The following MTR variants were observed in gnomAD, a reference collection of about 807,000 sequenced individuals.
MTR encodes the protein 5-methyltetrahydrofolate-homocysteine methyltransferase, also known as methionine synthase.
MTR carries 84 observed loss-of-function variants against 154.8 expected under a neutral mutation model. The observed-to-expected ratio is 0.54, with a 90% CI of 0.45 to 0.65. MTR has a LOEUF of 0.65. Ranked by LOEUF, MTR falls within the 30% of genes least tolerant of loss-of-function variation. The pLI is 0.00. For synonymous variants in MTR, 554 were observed against 553.9 expected (o/e 1.00, Z 0.00); for missense variants, 1,275 against 1,570.2 (o/e 0.81, Z 3.18).
In MTR at chr1:236,900,667, T is replaced by C. The variant is rs956371029; in HGVS notation, c.*3023T>C. ...ATAAAGGCAAAGTGGAATGATAACC[T>C]AAAATCTGGTATGGTGATTTTGTAG... is the stretch of plus-strand genomic sequence containing the variant. On this transcript the variant is annotated 3_prime_UTR_variant, in exon 33 of 33. Transcript: ENST00000366577. The C allele has an allele frequency of 3.3e-5, 5 of 152,232 alleles. No homozygotes were observed. Among genetic ancestry groups the C allele is most frequent in the African/African-American group, 1.2e-4 (5 of 41,458 alleles). The allele number at this position is 152,232 out of a possible 1,614,324, so 9.4% of individuals were successfully genotyped here. A position where few individuals can be genotyped will look rare whatever the true frequency, so the allele number is the denominator to read the frequency against.
At chr1:236,842,799 T>TATATATAA (rs958505121) in intron 15 of MTR, among the ~76,000 whole-genome samples, 3 of 149,850 alleles carry the variant, frequency 2.0e-5, no homozygotes, top group Admixed American at 6.7e-5. Flanking sequence ...TATATATATA[T>TATATATAA]AATTGGCCAG....
At chr1:236,811,675 C>T (rs1478798367) in intron 5 of MTR, 2 of 456,150 alleles carry the variant, frequency 4.4e-6, no homozygotes, top group Non-Finnish European at 4.4e-6. Context: ...CTTACCCTTG[C>T]TCTTGGGCTG....
At chr1:236,808,392 T>C (rs1661106458) in intron 3 of MTR, among the ~76,000 whole-genome samples, 1 of 152,222 alleles carries the variant, frequency 6.6e-6, no homozygotes. Flanking sequence ...TATTTTTTTC[T>C]TAATTCTCAG....
chr1:236,862,246 C>T lies in MTR; in HGVS notation c.2207C>T (p.Ser736Leu). ...GKMFLPQVIK[S>L]ARVMKKAVGH... ...TGCTTTTTTTCTCAGGTTATAAAGT[C>T]AGCCCGGGTTATGAAGAAGGCTGTT... Residue 736 changes from serine (S) to leucine (L), a missense_variant, in exon 21 of 33, where the codon TCA becomes TTA. Transcript: ENST00000366577. 6.2e-7 allele frequency: 1 copy of T among 1,613,720 alleles called. No individual in the cohort carries two copies.
At chr1:236,827,209 G>T (rs945396409) in intron 11 of MTR, among the ~76,000 whole-genome samples, 7 of 152,204 alleles carry the variant, frequency 4.6e-5, no homozygotes, top group Non-Finnish European at 1.0e-4. Context: ...TACAAGACAT[G>T]AAAGAGGCCT....
rs1228842888 is a variant in MTR, at chr1:236,815,709, G to A, written c.669+46G>A. ...ACAATACATTCTTTTATTAATAATT[G>A]TCCTTTTGAGCATGTTTTTCCCCCG... is the stretch of plus-strand genomic sequence containing the variant. On this transcript the variant is annotated intron_variant, in intron 7 of 32. Coordinates refer to ENST00000366577, the MANE Select transcript of MTR (RefSeq NM_000254.3). 5.1e-6 allele frequency: 8 copies of A among 1,571,568 alleles called. No individual in the cohort carries two copies. The African/African-American group carries it at 5.4e-5, about 11-fold the overall frequency.
chr1:236,877,879 T>C (rs1229533265), intron 24 of MTR, among the ~76,000 whole-genome samples: 1 of 152,248 alleles, frequency 6.6e-6, no homozygotes, highest in Non-Finnish European at 1.5e-5. Flanking sequence ...CACGTTCTTT[T>C]CAATGGTATC....
At chr1:236,812,053 A>G (rs985377823) in intron 5 of MTR, among the ~76,000 whole-genome samples, 5 of 152,114 alleles carry the variant, frequency 3.3e-5, no homozygotes, top group African/African-American at 1.2e-4. Flanking sequence ...GCTAATTTTT[A>G]TATTTTTAAA....
intron 2 of MTR, 122 bp downstream of exon 2, chr1:236,803,764 A>C (rs753867960): frequency 5.1e-6 from 5 of 983,070 alleles, no homozygotes; most frequent in Non-Finnish European, 6.4e-6. Context: ...CAATTTATTC[A>C]GAAAGCAGGT....
At position 236,803,571 on chromosome 1, in the gene MTR, G is replaced by T. The variant is rs1333154240; in HGVS notation, c.178G>T (p.Ala60Ser). 3 of 1,614,170 alleles carry T rather than the reference G, an allele frequency of 1.9e-6. No individual in the cohort carries two copies. Among genetic ancestry groups the T allele is most frequent in the East Asian group, 2.2e-5 (1 of 44,876 alleles). Reference protein sequence around the residue: ...HFRGQEFKDHARPLKGNNDIL... With the variant: ...HFRGQEFKDHSRPLKGNNDIL... ...CCGAGGTCAGGAATTTAAAGATCATGCCAGGCCGCTGAAAGGCAACAATGA... is the reference window on the plus strand; with the variant it reads ...CCGAGGTCAGGAATTTAAAGATCATTCCAGGCCGCTGAAAGGCAACAATGA... Residue 60 changes from alanine to serine, a missense_variant, in exon 2 of 33, where the codon GCC becomes TCC. Transcript: ENST00000366577.
rs775774568 is a variant in MTR, at chr1:236,816,490, C to T, written c.711C>T (p.Ser237=). Reference sequence around the variant, plus strand: ...TTGATAAAAGTGGGCGGACTCTTTCCGGACAGACAGGAGAGGGATTTGTCA... The same window carrying T: ...TTGATAAAAGTGGGCGGACTCTTTCTGGACAGACAGGAGAGGGATTTGTCA... ...TIVDKSGRTL[S]GQTGEGFVIS... Residue 237 remains serine, a synonymous_variant, in exon 8 of 33, where the codon TCC becomes TCT. Coordinates refer to ENST00000366577, the MANE Select transcript of MTR (RefSeq NM_000254.3). 7.4e-6 allele frequency: 12 copies of T among 1,613,938 alleles called. No individual in the cohort carries two copies. In the East Asian group the frequency reaches 8.9e-5, roughly 12 times the overall value.
intron 9 of MTR, 140 bp from the exon 10 acceptor site, chr1:236,825,198 G>C: frequency 2.9e-6 from 1 of 340,614 alleles, no homozygotes; most frequent in Non-Finnish European, 5.4e-6. Flanking sequence ...TTTACTGTGT[G>C]AATATTATGT....
intron 22 of MTR, among the ~76,000 whole-genome samples, chr1:236,872,371 C>G (rs1665183643): frequency 6.6e-6 from 1 of 152,096 alleles, no homozygotes; most frequent in Non-Finnish European, 1.5e-5. Flanking sequence ...TGACCTGCAC[C>G]CTGAATCACT....
chr1:236,874,943 A>T, intron 24 of MTR, 97 bp downstream of exon 24: 1 of 1,361,606 alleles, frequency 7.3e-7, no homozygotes, highest in Non-Finnish European at 1.0e-6. Context: ...ATTTTCCCTT[A>T]TGTTTAGTAC....
intron 22 of MTR, among the ~76,000 whole-genome samples, chr1:236,864,761 A>G (rs1186309830): frequency 6.6e-6 from 1 of 152,192 alleles, no homozygotes; most frequent in African/African-American, 2.4e-5. Context: ...GTTTGCATTC[A>G]TCACAGTCAG....
In MTR at chr1:236,808,553, T is replaced by C. The variant is rs559605169; in HGVS notation, c.340-151T>C. 27 of 797,182 alleles carry C rather than the reference T, an allele frequency of 3.4e-5. No individual in the cohort carries two copies. The South Asian group carries it at 3.5e-4, about 10-fold the overall frequency. 49.4% of individuals were successfully genotyped at this position (797,182 alleles called of 1,614,324 possible). A position where few individuals can be genotyped will look rare whatever the true frequency, so the allele number is the denominator to read the frequency against. ...CTGCCTTTCAAGTCTGGAGCTGATA[T>C]GCCTGCTTGGCTAAGATTTCACTCA... is the stretch of plus-strand genomic sequence containing the variant. On this transcript the variant is annotated intron_variant, in intron 3 of 32. Transcript: ENST00000366577.
At position 236,901,584 on chromosome 1, in the gene MTR, T is replaced by C. The variant is rs1037367941; in HGVS notation, c.*3940T>C. On this transcript the variant is annotated 3_prime_UTR_variant, in exon 33 of 33. Coordinates refer to ENST00000366577, the MANE Select transcript of MTR (RefSeq NM_000254.3). ...AAAATACCACAAACTGGTTAGCTTA[T>C]AGAGAACAGATGTTTATTTCTTACA... The C allele has an allele frequency of 4.6e-5, 7 of 152,206 alleles. No individual in the cohort carries two copies. The highest frequency in any genetic ancestry group is 1.0e-4 in the Non-Finnish European group (7 of 68,058). The allele number at this position is 152,206 out of a possible 1,614,324, so 9.4% of individuals were successfully genotyped here.
intron 1 of MTR, among the ~76,000 whole-genome samples, chr1:236,801,501 G>A (rs1311269734): frequency 1.3e-5 from 2 of 152,176 alleles, no homozygotes; most frequent in South Asian, 2.1e-4. Context: ...AGTAAGACGA[G>A]GCAGGGTTGT....
intron 8 of MTR, chr1:236,819,905 T>G (rs1340037007): frequency 3.2e-6 from 3 of 935,666 alleles, no homozygotes; most frequent in Non-Finnish European, 5.2e-6. Flanking sequence ...TGCTGAAGTT[T>G]GCTGCTGCCA....
Sources: allele counts gnomAD v4.1 joint callset (sites outside exome capture counted in the v4.1 genomes callset), GRCh38; gene constraint gnomAD v4.1.1; transcripts MANE v1.5; gene names NCBI Gene and HGNC (gene_info 2026-07-23, HGNC 2026-07-21).